Variants in ENDOV observed in about 807,000 individuals in gnomAD.
ENDOV encodes hEndoV.
Under a neutral mutation model 39.4 loss-of-function variants are expected in ENDOV, and 37 were observed. The observed-to-expected ratio is 0.94, with a 90% CI of 0.72 to 1.23. The LOEUF (loss-of-function observed/expected upper bound fraction) is 1.23, where lower values mean the gene tolerates loss of function less well. ENDOV is among the 50% of genes most tolerant of loss of function. ENDOV has a pLI of 0.00. For missense variants in ENDOV, 441 were observed against 375.7 expected, an observed-to-expected ratio of 1.17 and a Z score of -1.44; for synonymous variants, 186 against 163.4, an observed-to-expected ratio of 1.14 and a Z score of -1.05.
intron 9 of ENDOV, 26 bp from the exon 10 acceptor site, chr17:80,436,107 C>T (rs755149928): frequency 2.5e-6 from 4 of 1,609,046 alleles, no homozygotes; most frequent in South Asian, 2.2e-5. Flanking sequence ...TTTTTCTTGC[C>T]TCATTGCTCT....
At chr17:80,417,301 G>A (rs189786704) in intron 2 of ENDOV, 14 of 152,404 alleles carry the variant, frequency 9.2e-5, no homozygotes, top group African/African-American at 3.4e-4. Context: ...TCTTCTGGAA[G>A]GGTTTCCATC....
At chr17:80,418,592 C>G (rs560926283) in intron 2 of ENDOV, 1 of 152,072 alleles carries the variant, frequency 6.6e-6, no homozygotes, top group Non-Finnish European at 1.5e-5. Flanking sequence ...CCTGAATGCC[C>G]GACCGTGGAC....
chr17:80,433,555 T>C (rs572265029), intron 9 of ENDOV, among the ~76,000 whole-genome samples: 90 of 152,296 alleles, frequency 5.9e-4, no homozygotes, highest in Non-Finnish European at 1.0e-3. Flanking sequence ...GGACCACACC[T>C]CCTGCGCCCT....
chr17:80,427,472 G>A, intron 7 of ENDOV: 2 of 985,470 alleles, frequency 2.0e-6, no homozygotes, highest in Non-Finnish European at 2.4e-6. Flanking sequence ...TCTGTGCCTA[G>A]CACCAGCAAA....
intron 9 of ENDOV, 59 bp from the exon 10 acceptor site, chr17:80,436,074 C>A: frequency 2.5e-6 from 4 of 1,585,200 alleles, no homozygotes; most frequent in Non-Finnish European, 3.4e-6. Context: ...TTCCTCCTTT[C>A]CACTCTGAAC....
chr17:80,433,250 T>C (rs2083433360), intron 9 of ENDOV: 2 of 519,366 alleles, frequency 3.9e-6, no homozygotes. Flanking sequence ...GGTCAGTACC[T>C]GCCCATGTGG....
rs924735824 is a variant in ENDOV at position 80,421,695 on chromosome 17, G to A, written c.229-133G>A. On this transcript the variant is annotated intron_variant, in intron 2 of 9. Coordinates refer to ENST00000518137, the MANE Select transcript of ENDOV (RefSeq NM_173627.5). ...CTTCCAAACCCATCATCTCATAGGT[G>A]AGGCAGGGAAGGGGAGCCATGAGGG... 2.5e-6 allele frequency: 3 copies of A among 1,198,974 alleles called. No individual in the cohort carries two copies. In the African/African-American group the frequency reaches 4.5e-5, roughly 18 times the overall value. 74.3% of individuals were successfully genotyped at this position (1,198,974 alleles called of 1,614,324 possible). A position where few individuals can be genotyped will look rare whatever the true frequency, so the allele number is the denominator to read the frequency against.
At position 80,430,286 on chromosome 17, in the gene ENDOV, C is replaced by T. The variant is rs562137906; in HGVS notation, c.838+455C>T. Reference sequence around the variant, plus strand: ...CTCGGAGCTGCAGCCTGCACGACCCCTGCAGCCTGTGCTTTGCCCACCCCT... The same window carrying T: ...CTCGGAGCTGCAGCCTGCACGACCCTTGCAGCCTGTGCTTTGCCCACCCCT... On this transcript the variant is annotated intron_variant, in intron 9 of 9. Transcript: ENST00000518137. The T allele has an allele frequency of 4.7e-6, 7 of 1,501,878 alleles. No individual in the cohort carries two copies. The African/African-American group carries it at 8.3e-5, about 18-fold the overall frequency. 93.0% of individuals were successfully genotyped at this position (1,501,878 alleles called of 1,614,324 possible).
intron 1 of ENDOV, 66 bp downstream of exon 1, chr17:80,415,316 G>A (rs564193403): frequency 1.8e-4 from 278 of 1,564,708 alleles, no homozygotes; most frequent in Non-Finnish European, 2.2e-4. Context: ...CGGACCCTCC[G>A]AGCTCATAGT....
chr17:80,430,399 C>G, intron 9 of ENDOV: 1 of 1,496,796 alleles, frequency 6.7e-7, no homozygotes, highest in East Asian at 2.6e-5. Flanking sequence ...TTATTTATTT[C>G]CATTGATCTC....
At chr17:80,428,558 A>T in intron 7 of ENDOV, 38 bp from the exon 8 acceptor site, 1 of 1,555,644 alleles carries the variant, frequency 6.4e-7, no homozygotes, top group Non-Finnish European at 8.7e-7. Flanking sequence ...TGGTCTAGAG[A>T]CCAGCTCAGC....
rs970836046 is a variant in ENDOV at position 80,416,052 on chromosome 17, A to G, written c.228+231A>G. 4 of 437,692 alleles carry G rather than the reference A, an allele frequency of 9.1e-6. No individual in the cohort carries two copies. In the Admixed American group the frequency reaches 1.3e-4, roughly 14 times the overall value. The allele number at this position is 437,692 out of a possible 1,614,324, so 27.1% of individuals were successfully genotyped here. A position where few individuals can be genotyped will look rare whatever the true frequency, so the allele number is the denominator to read the frequency against. On this transcript the variant is annotated intron_variant, in intron 2 of 9. Coordinates refer to ENST00000518137, the MANE Select transcript of ENDOV (RefSeq NM_173627.5). ...CGGGAGTTCGAGACCAGCCTGACCA[A>G]CATGGAGAAACCCGGTCTCTACTAA...
At chr17:80,418,123 A>C (rs2144823755) in intron 2 of ENDOV, 1 of 152,292 alleles carries the variant, frequency 6.6e-6, no homozygotes, top group East Asian at 1.9e-4. Flanking sequence ...GTGGGGACAC[A>C]GTCTTAGGGT....
intron 1 of ENDOV, 105 bp downstream of exon 1, chr17:80,415,355 C>A: frequency 7.4e-7 from 1 of 1,351,860 alleles, no homozygotes; most frequent in Non-Finnish European, 1.0e-6. Flanking sequence ...GAGCTGCCAC[C>A]GCCCGAGACT....
rs567862715 is a variant in ENDOV, at chr17:80,425,867, C to G, written c.714+247C>G. ...CAGGCCCTGCACCCCATGCACTCAG[C>G]CTCCCAGCCTCTCTGAGCCTCCTGC... On this transcript the variant is annotated intron_variant, in intron 7 of 9. Coordinates refer to ENST00000518137, the MANE Select transcript of ENDOV (RefSeq NM_173627.5). Among the ~76,000 whole-genome samples the G allele has an allele frequency of 2.2e-4, 34 of 152,314 alleles. 1 individual carries two copies. In the South Asian group the frequency reaches 3.1e-3, roughly 14 times the overall value.
At chr17:80,433,470 T>C (rs1455005119) in intron 9 of ENDOV, among the ~76,000 whole-genome samples, 1 of 152,196 alleles carries the variant, frequency 6.6e-6, no homozygotes, top group Non-Finnish European at 1.5e-5. Flanking sequence ...TGGCAGCTCC[T>C]CACGCCATCC....
At position 80,428,641 on chromosome 17, in the gene ENDOV, C is replaced by G. The variant is rs1419263795; in HGVS notation, c.760C>G (p.Pro254Ala). The change falls in exon 8 of 10, where the codon CCC becomes GCC. Residue 254 changes from proline (P) to alanine (A), a missense_variant. Physicochemically the swap from Pro to Ala is conservative, Grantham distance 27. Coordinates refer to ENST00000518137, the MANE Select transcript of ENDOV (RefSeq NM_173627.5). ...GCACATCCGCAAGTCGCTGGGACTC[C>G]CCGGGCCACCCACACCGAGGTGAGC... ...REHIRKSLGL[P>A]GPPTPRSPKA... 1 of 1,583,192 alleles carries G rather than the reference C, an allele frequency of 6.3e-7. No individual in the cohort carries two copies. The highest frequency in any genetic ancestry group is 1.2e-5 in the South Asian group (1 of 86,490).
Position 80,421,815 on chromosome 17 carries a change from T to C in ENDOV, c.229-13T>C. 1 of 1,589,398 alleles carries C rather than the reference T, an allele frequency of 6.3e-7. No homozygotes were observed. Among genetic ancestry groups the C allele is most frequent in the Non-Finnish European group, 8.6e-7 (1 of 1,168,624 alleles). Reference sequence around the variant, plus strand: ...AGGCTGTGCTTCCCACTGAGCTGCGTGCCTGGTGTCAGGTGGTGTATGAGG... The same window carrying C: ...AGGCTGTGCTTCCCACTGAGCTGCGCGCCTGGTGTCAGGTGGTGTATGAGG... On this transcript the variant is annotated splice_polypyrimidine_tract_variant and intron_variant, in intron 2 of 9. Transcript: ENST00000518137.
At chr17:80,428,029 T>A (rs1356027764) in intron 7 of ENDOV, among the ~76,000 whole-genome samples, 2 of 152,174 alleles carry the variant, frequency 1.3e-5, no homozygotes, top group Non-Finnish European at 1.5e-5. Flanking sequence ...CCCCGGGGGT[T>A]CCCACTCAGA....
Sources: gnomAD v4.1 joint callset for allele counts (sites outside exome capture counted in the v4.1 genomes callset) on GRCh38, gnomAD v4.1.1 for gene constraint, MANE v1.5 for transcripts, NCBI Gene and HGNC (gene_info 2026-07-23, HGNC 2026-07-21) for gene names.